Variants in ADAMTSL3 observed in about 807,000 individuals in gnomAD.
ADAMTSL3 encodes ADAMTS like 3, also known as ADAMTS-like protein 3.
A neutral mutation model predicts 201.7 loss-of-function variants in ADAMTSL3; 128 were observed. The observed-to-expected ratio is 0.63, with a 90% CI of 0.55 to 0.73. ADAMTSL3 has a LOEUF of 0.73. ADAMTSL3 is among the 30% of genes least tolerant of loss of function. The pLI is 0.00. For synonymous variants in ADAMTSL3, 738 were observed against 748.4 expected, an observed-to-expected ratio of 0.99 and a Z score of 0.23; for missense variants, 1,990 against 2,119.6, an observed-to-expected ratio of 0.94 and a Z score of 1.20.
intron 3 of ADAMTSL3, among the ~76,000 whole-genome samples, chr15:83,769,526 A>T (rs2062944534): frequency 6.6e-6 from 1 of 152,234 alleles, no homozygotes; most frequent in Non-Finnish European, 1.5e-5. Flanking sequence ...GGGTTTAATT[A>T]GCCCCTATTC....
At chr15:83,877,938 A>G (rs2065207043) in intron 9 of ADAMTSL3, among the ~76,000 whole-genome samples, 1 of 152,136 alleles carries the variant, frequency 6.6e-6, no homozygotes, top group Admixed American at 6.6e-5. Flanking sequence ...ATATTCATGT[A>G]TTAATACTAA....
rs563422212 is a variant in ADAMTSL3 at position 83,837,766 on chromosome 15, C to T, written c.601-323C>T. On this transcript the variant is annotated intron_variant, in intron 6 of 29. Coordinates refer to ENST00000286744, the MANE Select transcript of ADAMTSL3 (RefSeq NM_207517.3). ...GCAGTGAGCCACAATCCCACTATTG[C>T]ACTCCAACCTGGGCAACAGAGTGAG... Among the ~76,000 whole-genome samples, 289 of 150,366 alleles carry T rather than the reference C, an allele frequency of 1.9e-3. 1 individual carries two copies. Among genetic ancestry groups the T allele is most frequent in the African/African-American group, 6.9e-3 (281 of 40,964 alleles).
At chr15:83,897,039 A>T (rs2065629063) in intron 13 of ADAMTSL3, among the ~76,000 whole-genome samples, 1 of 152,176 alleles carries the variant, frequency 6.6e-6, no homozygotes, top group Admixed American at 6.5e-5. Context: ...ATCACCCTCT[A>T]CCAGGTCCCT....
chr15:83,665,890 G>A (rs2061242001), intron 2 of ADAMTSL3, among the ~76,000 whole-genome samples: 1 of 151,964 alleles, frequency 6.6e-6, no homozygotes, highest in South Asian at 2.1e-4. Flanking sequence ...ACAAAGAAGA[G>A]TAACTATTTT....
chr15:83,987,319 C>G lies in ADAMTSL3; in HGVS notation c.3717-1372C>G, dbSNP rs184227150. ...TGTGCTGCAGCAGGGCTTGTATGCT[C>G]TTGGTACTATTGCTCTGTGCCATTA... is the stretch of plus-strand genomic sequence containing the variant. On this transcript the variant is annotated intron_variant, in intron 21 of 29. Transcript: ENST00000286744. 3.8e-3 allele frequency among the ~76,000 whole-genome samples: 583 copies of G among 152,274 alleles called. 2 individuals carry two copies. Among genetic ancestry groups the G allele is most frequent in the Middle Eastern group, 0.017 (5 of 294 alleles).
chr15:83,822,283 C>T lies in ADAMTSL3; in HGVS notation c.600+2236C>T, dbSNP rs1218235719. ...GGGGCTCCTCACTTCTCAGACGGGG[C>T]GGCTGCCGGGCGGAGGGGCTCCTCA... On this transcript the variant is annotated intron_variant, in intron 6 of 29. Coordinates refer to ENST00000286744, the MANE Select transcript of ADAMTSL3 (RefSeq NM_207517.3). Among the ~76,000 whole-genome samples the T allele has an allele frequency of 1.5e-4, 19 of 124,792 alleles. No individual in the cohort carries two copies. The East Asian group carries it at 4.0e-3, about 26-fold the overall frequency. 81.9% of individuals were successfully genotyped at this position (124,792 alleles called of 152,430 possible).
Position 83,942,944 on chromosome 15 carries a change from C to A in ADAMTSL3, c.2352C>A (p.Val784=). The A allele has an allele frequency of 1.2e-6, 2 of 1,611,746 alleles. No homozygotes were observed. The highest frequency in any genetic ancestry group is 2.2e-5 in the South Asian group (2 of 90,566). Residue 784 remains valine (V), a synonymous_variant, in exon 19 of 30, where the codon GTC becomes GTA. Coordinates refer to ENST00000286744, the MANE Select transcript of ADAMTSL3 (RefSeq NM_207517.3). ...TCGGGTQNRR[V]TCRQLLTDGS... ...GCGGGGGAACTCAGAACAGAAGAGT[C>A]ACCTGTCGGCAGCTGCTAACGGATG...
At chr15:84,013,447 C>T (rs1228842950) in intron 23 of ADAMTSL3, among the ~76,000 whole-genome samples, 4 of 152,188 alleles carry the variant, frequency 2.6e-5, no homozygotes, top group Non-Finnish European at 1.5e-5. Context: ...GAGGAGAAAA[C>T]ATCCCCCAAA....
intron 19 of ADAMTSL3, among the ~76,000 whole-genome samples, chr15:83,947,793 G>A (rs766617748): frequency 6.6e-6 from 1 of 152,072 alleles, no homozygotes; most frequent in Admixed American, 6.5e-5. Context: ...TCTGTGTCCT[G>A]AATTCTTTAA....
intron 3 of ADAMTSL3, among the ~76,000 whole-genome samples, chr15:83,745,758 A>T (rs1256604574): frequency 6.6e-6 from 1 of 152,218 alleles, no homozygotes; most frequent in Non-Finnish European, 1.5e-5. Flanking sequence ...CATTAATTCA[A>T]TGAAGTGAAA....
intron 8 of ADAMTSL3, 91 bp from the exon 9 acceptor site, chr15:83,870,710 AT>A: frequency 9.4e-7 from 1 of 1,061,670 alleles, no homozygotes; most frequent in Non-Finnish European, 1.3e-6. Context: ...TTGTTTTGAT[AT>A]CATATACTGA....
Position 83,820,459 on chromosome 15 carries a change from C to T in ADAMTSL3, c.600+412C>T, listed in dbSNP as rs376918150. ...ATAACAGAGTGTTGGGCTCATCCCC[C>T]GGAGTTTCTGATTCAGTAGGTAAAA... is the stretch of plus-strand genomic sequence containing the variant. On this transcript the variant is annotated intron_variant, in intron 6 of 29. Coordinates refer to ENST00000286744, the MANE Select transcript of ADAMTSL3 (RefSeq NM_207517.3). Among the ~76,000 whole-genome samples the T allele has an allele frequency of 1.1e-4, 16 of 152,242 alleles. No individual in the cohort carries two copies. In the East Asian group the frequency reaches 1.4e-3, roughly 13 times the overall value.
chr15:83,741,153 T>A (rs1302642517), intron 3 of ADAMTSL3, among the ~76,000 whole-genome samples: 1 of 151,590 alleles, frequency 6.6e-6, no homozygotes, highest in African/African-American at 2.4e-5. Context: ...TCCAATCTCA[T>A]GGACCAAATA....
Position 83,891,385 on chromosome 15 carries a change from TTA to T in ADAMTSL3, c.1262+10_1262+11del. The stretch of plus-strand genomic sequence containing the variant: ...CACTTCCAACCTCTTCCTCGGTGAG[TTA>T]TATGTTTCCTTTTCCTTTTTGCAAT... On this transcript the variant is annotated splice_region_variant and intron_variant, in intron 12 of 29. Transcript: ENST00000286744. 1.9e-6 allele frequency: 3 copies of T among 1,611,754 alleles called. No homozygotes were observed. The highest frequency in any genetic ancestry group is 2.5e-6 in the Non-Finnish European group (3 of 1,178,036).
intron 4 of ADAMTSL3, among the ~76,000 whole-genome samples, chr15:83,775,524 G>A (rs556226561): frequency 6.6e-6 from 1 of 152,212 alleles, no homozygotes; most frequent in Admixed American, 6.5e-5. Context: ...TTTGCCAAGT[G>A]ATATATCTCC....
intron 15 of ADAMTSL3, among the ~76,000 whole-genome samples, chr15:83,902,332 G>A (rs887887895): frequency 5.3e-5 from 8 of 152,084 alleles, no homozygotes; most frequent in African/African-American, 1.2e-4. Context: ...GTGCAGTGGC[G>A]TGATCTCTGC....
In ADAMTSL3 at chr15:84,030,366, C is replaced by T. The variant is rs75120543; in HGVS notation, c.4657-969C>T. Among the ~76,000 whole-genome samples, 1,023 of 152,312 alleles carry T rather than the reference C, an allele frequency of 6.7e-3. 16 individuals are homozygous for T. Among genetic ancestry groups the T allele is most frequent in the African/African-American group, 0.023 (974 of 41,568 alleles). On this transcript the variant is annotated intron_variant, in intron 27 of 29. Transcript: ENST00000286744. ...CCTCTTACATCAGCATGATGGAAGACACGGGGTCATGTCTGGATGTGAGAC... is the reference window on the plus strand; with the variant it reads ...CCTCTTACATCAGCATGATGGAAGATACGGGGTCATGTCTGGATGTGAGAC...
chr15:83,769,449 A>T (rs940944735), intron 3 of ADAMTSL3, among the ~76,000 whole-genome samples: 1 of 152,226 alleles, frequency 6.6e-6, no homozygotes, highest in African/African-American at 2.4e-5. Flanking sequence ...GGGCACAGTT[A>T]TGTTTGGTGA....
chr15:83,658,389 G>A (rs1465087340), intron 2 of ADAMTSL3, among the ~76,000 whole-genome samples: 1 of 152,230 alleles, frequency 6.6e-6, no homozygotes, highest in Non-Finnish European at 1.5e-5. Flanking sequence ...GATTACAGAT[G>A]TGAGCCACTG....
Sources: allele counts gnomAD v4.1 joint callset (sites outside exome capture counted in the v4.1 genomes callset), GRCh38; gene constraint gnomAD v4.1.1; transcripts MANE v1.5; gene names NCBI Gene and HGNC (gene_info 2026-07-23, HGNC 2026-07-21).